BCL2L13: variants seen among roughly 807,000 people sequenced by gnomAD.
BCL2L13 encodes the protein BCL2 like 13, also known as bcl-2-like protein 13.
A neutral mutation model predicts 25.8 loss-of-function variants in BCL2L13; 13 were observed. The ratio of observed to expected loss-of-function variants is 0.50; its 90% CI spans 0.33 to 0.80. BCL2L13 has a LOEUF of 0.80. Ranked by LOEUF, BCL2L13 falls within the 30% of genes least tolerant of loss-of-function variation. The pLI, the probability that BCL2L13 is intolerant of heterozygous loss-of-function variation, is 0.02. For missense variants in BCL2L13, 504 were observed against 574.9 expected (o/e 0.88, Z 1.26); for synonymous variants, 244 against 230.3 (o/e 1.06, Z -0.54).
rs2058833155 is a variant in BCL2L13, at chr22:17,655,729, T to C, written c.18T>C (p.Thr6=). Residue 6 remains threonine, a synonymous_variant, in exon 2 of 7, where the codon ACT becomes ACC. Coordinates refer to ENST00000317582, the MANE Select transcript of BCL2L13 (RefSeq NM_015367.4). ...CCAATTCAATGGCGTCCTCTTCTAC[T>C]GTGCCTCTGGGATTTCACTATGAAA... MASSS[T]VPLGFHYETK... 1.9e-6 allele frequency: 3 copies of C among 1,613,224 alleles called. No individual in the cohort carries two copies. The highest frequency in any genetic ancestry group is 1.7e-6 in the Non-Finnish European group (2 of 1,179,616).
chr22:17,630,148 C>G (rs944782233), intron 1 of BCL2L13, among the ~76,000 whole-genome samples: 9 of 145,344 alleles, frequency 6.2e-5, no homozygotes, highest in African/African-American at 1.8e-4. Flanking sequence ...AACCCAGGAG[C>G]AGAGGTTGCG....
Position 17,677,936 on chromosome 22 carries a change from C to A in BCL2L13, c.122-5278C>A, listed in dbSNP as rs1391226023. On this transcript the variant is annotated intron_variant, in intron 2 of 6. Transcript: ENST00000317582. The stretch of plus-strand genomic sequence containing the variant: ...TGGTGTGTACCTGTAGTGCCAGCTA[C>A]TTGAGAGGCTGAGGTGGGAAGATCG... 6.6e-5 allele frequency among the ~76,000 whole-genome samples: 10 copies of A among 152,174 alleles called. No individual in the cohort carries two copies. In the East Asian group the frequency reaches 1.9e-3, roughly 30 times the overall value.
At chr22:17,663,017 C>T (rs556493014) in intron 2 of BCL2L13, among the ~76,000 whole-genome samples, 2 of 152,020 alleles carry the variant, frequency 1.3e-5, no homozygotes, top group African/African-American at 4.8e-5. Context: ...ACCACAGGTG[C>T]GCACCACCAT....
intron 1 of BCL2L13, among the ~76,000 whole-genome samples, chr22:17,630,462 T>G (rs2057987697): frequency 6.6e-6 from 1 of 151,560 alleles, no homozygotes; most frequent in Non-Finnish European, 1.5e-5. Flanking sequence ...GTATTTTTAG[T>G]AGAGATGAGG....
intron 2 of BCL2L13, among the ~76,000 whole-genome samples, chr22:17,656,368 T>G (rs1009035323): frequency 2.0e-5 from 2 of 99,170 alleles, no homozygotes; most frequent in Admixed American, 1.1e-4. Flanking sequence ...TTTTTTTTTT[T>G]GGGACAGAGT....
intron 5 of BCL2L13, among the ~76,000 whole-genome samples, chr22:17,698,850 A>G (rs1353322758): frequency 6.6e-6 from 1 of 152,138 alleles, no homozygotes; most frequent in East Asian, 1.9e-4. Context: ...GTCTTAATGA[A>G]TTTGTCTTTT....
chr22:17,690,528 G>GC (rs2060075829), intron 4 of BCL2L13, among the ~76,000 whole-genome samples: 1 of 152,110 alleles, frequency 6.6e-6, no homozygotes, highest in Admixed American at 6.6e-5. Flanking sequence ...GGAGGTCCAG[G>GC]CGGGAGGATT....
intron 2 of BCL2L13, among the ~76,000 whole-genome samples, chr22:17,656,992 G>A (rs2058894297): frequency 6.6e-6 from 1 of 152,016 alleles, no homozygotes; most frequent in African/African-American, 2.4e-5. Flanking sequence ...CTAGTTTTTT[G>A]TATTTTAGTA....
intron 1 of BCL2L13, among the ~76,000 whole-genome samples, chr22:17,629,556 T>C (rs751949334): frequency 4.1e-4 from 62 of 152,194 alleles, no homozygotes; most frequent in Non-Finnish European, 7.1e-4. Context: ...CCCGTTTTTT[T>C]CCCCAAAATC....
intron 4 of BCL2L13, chr22:17,695,876 T>G (rs1455722564): frequency 2.9e-6 from 1 of 349,924 alleles, no homozygotes; most frequent in Admixed American, 3.9e-5. Context: ...ATCCTGTAAG[T>G]TCCAAGCAGT....
chr22:17,725,407 T>C (rs2061267545), intron 6 of BCL2L13, among the ~76,000 whole-genome samples: 1 of 152,212 alleles, frequency 6.6e-6, no homozygotes, highest in South Asian at 2.1e-4. Context: ...GTCTTCTGTG[T>C]ACCCTTCGCC....
At chr22:17,667,748 A>G (rs2146595710) in intron 2 of BCL2L13, among the ~76,000 whole-genome samples, 1 of 151,918 alleles carries the variant, frequency 6.6e-6, no homozygotes, top group South Asian at 2.1e-4. Context: ...ACCTCTAGTG[A>G]TCTGCCCGCC....
intron 3 of BCL2L13, chr22:17,684,741 T>A (rs1368697275): frequency 7.7e-6 from 2 of 260,660 alleles, no homozygotes; most frequent in Admixed American, 4.8e-5. Context: ...TTTTTTGTAT[T>A]TTTTTTTTTT....
chr22:17,664,618 G>T (rs994605164), intron 2 of BCL2L13, among the ~76,000 whole-genome samples: 1 of 152,224 alleles, frequency 6.6e-6, no homozygotes, highest in African/African-American at 2.4e-5. Context: ...CCTAGCAGAG[G>T]TTTTCCATGA....
rs750518347 is a variant in BCL2L13 at position 17,727,570 on chromosome 22, G to A, written c.*36G>A. ...AGAAGAGAAAGACAGAAGGATGTAA[G>A]GTTGGAGTTGTATTGGCTGGAATTT... is the stretch of plus-strand genomic sequence containing the variant. On this transcript the variant is annotated 3_prime_UTR_variant, in exon 7 of 7. Coordinates refer to ENST00000317582, the MANE Select transcript of BCL2L13 (RefSeq NM_015367.4). 8.1e-6 allele frequency: 13 copies of A among 1,606,464 alleles called. No homozygotes were observed. In the African/African-American group the frequency reaches 1.5e-4, roughly 18 times the overall value.
chr22:17,631,668 GTGTATATA>G lies in BCL2L13; in HGVS notation c.-650+2665_-650+2672del, dbSNP rs1363895311. On this transcript the variant is annotated intron_variant, in intron 1 of 6. Transcript: ENST00000399782. Reference sequence around the variant, plus strand: ...TACGTGTGTGTATGTATGTGTGTGTGTGTATATATATATATATATATATATATATATAT... The same window carrying G: ...TACGTGTGTGTATGTATGTGTGTGTGTATATATATATATATATATATATAT... 7.1e-3 allele frequency among the ~76,000 whole-genome samples: 156 copies of G among 21,850 alleles called. 4 individuals are homozygous for G. Among genetic ancestry groups the G allele is most frequent in the African/African-American group, 0.021 (148 of 7,202 alleles). The allele number at this position is 21,850 out of a possible 152,430, so 14.3% of individuals were successfully genotyped here.
In BCL2L13 at chr22:17,674,225, T is replaced by C. The variant is rs780639382; in HGVS notation, c.122-8989T>C. Among the ~76,000 whole-genome samples the C allele has an allele frequency of 5.3e-5, 8 of 152,298 alleles. No individual in the cohort carries two copies. The South Asian group carries it at 1.7e-3, about 32-fold the overall frequency. On this transcript the variant is annotated intron_variant, in intron 2 of 6. Transcript: ENST00000317582. ...GAGAGTTACATTGGTTTTTCAAGGA[T>C]AGACAGAATTTGAATTATCAGGAAA...
chr22:17,658,955 A>G (rs1279314571), intron 2 of BCL2L13, among the ~76,000 whole-genome samples: 1 of 135,538 alleles, frequency 7.4e-6, no homozygotes, highest in Non-Finnish European at 1.6e-5. Context: ...GCTACTTGGG[A>G]GGCTGAGGCA....
chr22:17,678,493 C>T (rs566618813), intron 2 of BCL2L13, among the ~76,000 whole-genome samples: 10 of 152,212 alleles, frequency 6.6e-5, no homozygotes, highest in East Asian at 3.9e-4. Context: ...CCTGGATTAA[C>T]GATTTTGTAG....
Sources: gnomAD v4.1 joint callset for allele counts (sites outside exome capture counted in the v4.1 genomes callset) on GRCh38, gnomAD v4.1.1 for gene constraint, MANE v1.5 for transcripts, NCBI Gene and HGNC (gene_info 2026-07-23, HGNC 2026-07-21) for gene names.